The following LRP1B variants were observed in gnomAD, a reference collection of about 807,000 sequenced individuals.
The protein encoded by LRP1B is low-density lipoprotein receptor-related protein 1B.
In LRP1B, 217 loss-of-function variants were observed where a neutral mutation model predicts 556.6. The observed-to-expected ratio is 0.39, with a 90% confidence interval of 0.35 to 0.44. The LOEUF is 0.44. LRP1B is among the 20% of genes least tolerant of loss of function. The pLI is 1.00. For missense variants in LRP1B, 5,053 were observed against 5,620.8 expected, an observed-to-expected ratio of 0.90 and a Z score of 3.23; for synonymous variants, 2,047 against 1,865.8, an observed-to-expected ratio of 1.10 and a Z score of -2.50.
chr2:140,249,887 T>C (rs1020035795), intron 86 of LRP1B, among the ~76,000 whole-genome samples: 3 of 151,890 alleles, frequency 2.0e-5, no homozygotes, highest in East Asian at 1.9e-4. Context: ...AAGCCATTAA[T>C]GGCAGAGCAT....
chr2:141,133,316 T>C (rs1259278926), intron 7 of LRP1B, among the ~76,000 whole-genome samples: 1 of 149,430 alleles, frequency 6.7e-6, no homozygotes, highest in African/African-American at 2.5e-5. Flanking sequence ...CACAATACTG[T>C]ATGCCATTTG....
At chr2:140,487,820 T>C (rs2105367266) in intron 57 of LRP1B, 81 bp from the exon 58 acceptor site, 1 of 879,936 alleles carries the variant, frequency 1.1e-6, no homozygotes, top group Non-Finnish European at 1.7e-6. Flanking sequence ...CAGGAATCAC[T>C]GTCTTCCTTT....
chr2:141,252,237 GA>G (rs1309641509), intron 4 of LRP1B, among the ~76,000 whole-genome samples: 1 of 123,458 alleles, frequency 8.1e-6, no homozygotes, highest in Middle Eastern at 5.0e-3. Context: ...AAGAAAAAGA[GA>G]AAGCTACAAT....
intron 1 of LRP1B, among the ~76,000 whole-genome samples, chr2:141,979,428 A>C (rs1701982110): frequency 6.6e-6 from 1 of 152,090 alleles, no homozygotes; most frequent in African/African-American, 2.4e-5. Context: ...ATTTGTCATC[A>C]TTTTGTCGCA....
At chr2:140,696,706 C>T (rs1008295924) in intron 41 of LRP1B, among the ~76,000 whole-genome samples, 4 of 152,018 alleles carry the variant, frequency 2.6e-5, no homozygotes, top group African/African-American at 7.2e-5. Context: ...TTCATACGAG[C>T]GCAAACCCTA....
chr2:141,685,061 A>C (rs1691245437), intron 2 of LRP1B, among the ~76,000 whole-genome samples: 1 of 152,106 alleles, frequency 6.6e-6, no homozygotes, highest in Non-Finnish European at 1.5e-5. Flanking sequence ...CTACAAAGTA[A>C]TATAGCTAAA....
chr2:140,598,340 C>T (rs1682522731), intron 43 of LRP1B, among the ~76,000 whole-genome samples: 1 of 152,178 alleles, frequency 6.6e-6, no homozygotes, highest in African/African-American at 2.4e-5. Context: ...ATGCAAATCA[C>T]TCTAACAATT....
At chr2:140,585,737 C>T (rs1000595556) in intron 43 of LRP1B, among the ~76,000 whole-genome samples, 1 of 152,180 alleles carries the variant, frequency 6.6e-6, no homozygotes, top group African/African-American at 2.4e-5. Context: ...GTCATATATT[C>T]ATATAAACTT....
In LRP1B at chr2:140,662,228, A is replaced by C. The variant is rs1046408582; in HGVS notation, c.6799+38022T>G. ...GAAAAATTCCAGTTCACTTGACTAC[A>C]TTTGTATGAGGTATTTCTTGAGTGA... On this transcript the variant is annotated intron_variant, in intron 41 of 90. Coordinates refer to ENST00000389484, the MANE Select transcript of LRP1B (RefSeq NM_018557.3). Among the ~76,000 whole-genome samples, 7 of 152,168 alleles carry C rather than the reference A, an allele frequency of 4.6e-5. No individual in the cohort carries two copies. The East Asian group carries it at 7.7e-4, about 17-fold the overall frequency.
intron 35 of LRP1B, among the ~76,000 whole-genome samples, chr2:140,761,424 G>C: frequency 6.6e-6 from 1 of 152,114 alleles, no homozygotes; most frequent in East Asian, 1.9e-4. Context: ...TTCTCTGAGG[G>C]GAGGATGCAT....
At chr2:141,996,809 AT>A (rs1702505642) in intron 1 of LRP1B, among the ~76,000 whole-genome samples, 1 of 151,092 alleles carries the variant, frequency 6.6e-6, no homozygotes, top group South Asian at 2.1e-4. Flanking sequence ...TTATATACGC[AT>A]TTGAAAAATA....
intron 3 of LRP1B, among the ~76,000 whole-genome samples, chr2:141,290,594 G>C (rs1685904429): frequency 6.6e-6 from 1 of 152,062 alleles, no homozygotes; most frequent in Non-Finnish European, 1.5e-5. Context: ...GAATTCATCT[G>C]ATGTTGGCCA....
intron 63 of LRP1B, 28 bp downstream of exon 63, chr2:140,450,540 A>G (rs749818476): frequency 6.5e-7 from 1 of 1,533,808 alleles, no homozygotes; most frequent in African/African-American, 1.4e-5. Context: ...TCTAAATTCT[A>G]AATTTCAATA....
Position 142,059,792 on chromosome 2 carries a change from C to A in LRP1B, c.82+70856G>T, listed in dbSNP as rs368887133. Among the ~76,000 whole-genome samples, 444 of 152,120 alleles carry A rather than the reference C, an allele frequency of 2.9e-3. 3 individuals carry two copies. Among genetic ancestry groups the A allele is most frequent in the African/African-American group, 9.4e-3 (392 of 41,536 alleles). On this transcript the variant is annotated intron_variant, in intron 1 of 90. Coordinates refer to ENST00000389484, the MANE Select transcript of LRP1B (RefSeq NM_018557.3). ...ATTTCTCTTCATAATGCATGGACAG[C>A]ATTTCAGAAGAACAAATCCCTTACA... is the stretch of plus-strand genomic sequence containing the variant.
chr2:141,203,811 C>T lies in LRP1B; in HGVS notation c.851-15228G>A, dbSNP rs748007102. 5.9e-5 allele frequency among the ~76,000 whole-genome samples: 9 copies of T among 152,220 alleles called. No homozygotes were observed. In the East Asian group the frequency reaches 9.7e-4, roughly 16 times the overall value. On this transcript the variant is annotated intron_variant, in intron 6 of 90. Coordinates refer to ENST00000389484, the MANE Select transcript of LRP1B (RefSeq NM_018557.3). ...ACACTCCTCAGCAAATGCAAAAGAA[C>T]GGAAATCATAACAAATGGTCTCTCA...
chr2:141,007,969 T>C (rs1367726492), intron 14 of LRP1B, among the ~76,000 whole-genome samples: 3 of 151,584 alleles, frequency 2.0e-5, no homozygotes, highest in Non-Finnish European at 3.0e-5. Flanking sequence ...ATTTGAATAA[T>C]TCCATATCTC....
At chr2:140,936,001 GTA>G (rs1490500395) in intron 20 of LRP1B, among the ~76,000 whole-genome samples, 1 of 151,106 alleles carries the variant, frequency 6.6e-6, no homozygotes, top group Admixed American at 6.6e-5. Context: ...GATTCTGTGT[GTA>G]TATGTGTGTG....
chr2:141,621,879 TTTTG>T (rs748874627), intron 2 of LRP1B, among the ~76,000 whole-genome samples: 13 of 152,182 alleles, frequency 8.5e-5, no homozygotes, highest in East Asian at 3.9e-4. Flanking sequence ...TATCTCTCTT[TTTTG>T]TTTGTTTGTT....
At chr2:141,421,663 A>G (rs1002654712) in intron 3 of LRP1B, among the ~76,000 whole-genome samples, 3 of 152,338 alleles carry the variant, frequency 2.0e-5, no homozygotes, top group South Asian at 4.1e-4. Flanking sequence ...ATATCTTACT[A>G]TTAGAATCTT....
Sources: allele counts gnomAD v4.1 joint callset (sites outside exome capture counted in the v4.1 genomes callset), GRCh38; gene constraint gnomAD v4.1.1; transcripts MANE v1.5; gene names NCBI Gene and HGNC (gene_info 2026-07-23, HGNC 2026-07-21).